Variants in AGBL4 observed in about 807,000 individuals in gnomAD.
AGBL4 encodes the protein AGBL carboxypeptidase 4, also known as cytosolic carboxypeptidase 6.
In AGBL4, 58 loss-of-function variants were observed where a neutral mutation model predicts 66.4. That is an observed-to-expected ratio of 0.87 (90% CI 0.71 to 1.09). The LOEUF is 1.09. Among genes scored for constraint, AGBL4 ranks in the 50% least tolerant of loss-of-function variants. AGBL4 has a pLI of 0.00. For missense variants in AGBL4, 579 were observed against 631.0 expected (o/e 0.92, Z 0.88); for synonymous variants, 234 against 222.9 (o/e 1.05, Z -0.44).
intron 6 of AGBL4, among the ~76,000 whole-genome samples, chr1:48,810,961 A>C (rs1646035319): frequency 6.6e-6 from 1 of 152,168 alleles, no homozygotes; most frequent in African/African-American, 2.4e-5. Context: ...CAGTGTCTAC[A>C]TATGGAGTGG....
intron 12 of AGBL4, among the ~76,000 whole-genome samples, chr1:48,536,914 G>A (rs561724181): frequency 1.3e-5 from 2 of 152,296 alleles, no homozygotes; most frequent in Admixed American, 6.5e-5. Context: ...TGCCCACATT[G>A]CTGCCCCTCC....
chr1:49,892,432 A>G (rs938040726), intron 1 of AGBL4, among the ~76,000 whole-genome samples: 2 of 152,228 alleles, frequency 1.3e-5, no homozygotes, highest in African/African-American at 4.8e-5. Context: ...CCTTCTACTT[A>G]GTGTGCTAAA....
At chr1:48,527,110 G>T in the AGBL4 span, among the ~76,000 whole-genome samples, 1 of 152,148 alleles carries the variant, frequency 6.6e-6, no homozygotes, top group East Asian at 1.9e-4. Flanking sequence ...AGTTATCAGG[G>T]TGAGGTCAGG....
intron 3 of AGBL4, among the ~76,000 whole-genome samples, chr1:49,370,072 C>T (rs1373538452): frequency 6.8e-6 from 1 of 147,764 alleles, no homozygotes; most frequent in East Asian, 2.0e-4. Context: ...CACACACACA[C>T]ACATATATAA....
intron 3 of AGBL4, among the ~76,000 whole-genome samples, chr1:49,657,258 T>C (rs1646160628): frequency 6.6e-6 from 1 of 152,170 alleles, no homozygotes; most frequent in African/African-American, 2.4e-5. Flanking sequence ...CCATTCACAA[T>C]TGCTTCAGAG....
chr1:49,437,066 C>A (rs1436903817), intron 3 of AGBL4, among the ~76,000 whole-genome samples: 2 of 152,098 alleles, frequency 1.3e-5, no homozygotes, highest in African/African-American at 2.4e-5. Flanking sequence ...TGGTGGGGAG[C>A]ATCATGGGCC....
intron 1 of AGBL4, among the ~76,000 whole-genome samples, chr1:49,954,902 T>A (rs933227155): frequency 1.3e-5 from 2 of 151,974 alleles, no homozygotes; most frequent in African/African-American, 2.4e-5. Context: ...TACCTCTGCA[T>A]CTCTTTCAGA....
chr1:48,738,407 T>TA (rs1649404251), intron 6 of AGBL4, among the ~76,000 whole-genome samples: 1 of 152,220 alleles, frequency 6.6e-6, no homozygotes, highest in Admixed American at 6.5e-5. Context: ...TGAGATGTAC[T>TA]ACCTGGCTGC....
chr1:49,691,601 G>A (rs1316977759), intron 3 of AGBL4: 1 of 152,176 alleles, frequency 6.6e-6, no homozygotes, highest in Non-Finnish European at 1.5e-5. Context: ...TATGGTAGTT[G>A]TGATGGTTAA....
intron 1 of AGBL4, among the ~76,000 whole-genome samples, chr1:49,976,729 T>A (rs1571995826): frequency 6.6e-6 from 1 of 152,246 alleles, no homozygotes; most frequent in Non-Finnish European, 1.5e-5. Flanking sequence ...AAAATTCCTA[T>A]GCTACTTTGT....
At chr1:49,624,828 C>T (rs952778888) in intron 3 of AGBL4, among the ~76,000 whole-genome samples, 4 of 152,146 alleles carry the variant, frequency 2.6e-5, no homozygotes, top group African/African-American at 4.8e-5. Flanking sequence ...AAAATAATTC[C>T]TTATATTTTT....
chr1:49,779,986 T>C (rs1251000915), intron 2 of AGBL4, among the ~76,000 whole-genome samples: 2 of 152,150 alleles, frequency 1.3e-5, no homozygotes, highest in African/African-American at 4.8e-5. Context: ...TGATTGATAA[T>C]TGACTTATCA....
At chr1:48,984,545 T>C (rs1327421289) in intron 5 of AGBL4, among the ~76,000 whole-genome samples, 1 of 148,168 alleles carries the variant, frequency 6.7e-6, no homozygotes, top group Non-Finnish European at 1.5e-5. Context: ...GTTTTCAATA[T>C]GCACTGTGAG....
intron 3 of AGBL4, among the ~76,000 whole-genome samples, chr1:49,303,796 G>T (rs976490807): frequency 3.3e-5 from 5 of 152,054 alleles, no homozygotes; most frequent in African/African-American, 1.2e-4. Context: ...CTTTTGAGAA[G>T]TGTCTGTTCA....
At chr1:48,742,819 A>G in intron 6 of AGBL4, 1 of 1,442,712 alleles carries the variant, frequency 6.9e-7, no homozygotes, top group South Asian at 1.5e-5. Flanking sequence ...AGGAAAATAA[A>G]AGGCAAATAT....
At chr1:49,280,276 C>T (rs556973847) in intron 3 of AGBL4, among the ~76,000 whole-genome samples, 1 of 152,260 alleles carries the variant, frequency 6.6e-6, no homozygotes, top group South Asian at 2.1e-4. Context: ...CCCCCATGTT[C>T]TCTGAGAGAT....
intron 4 of AGBL4, among the ~76,000 whole-genome samples, chr1:49,134,200 G>A (rs1313481464): frequency 6.6e-6 from 1 of 151,762 alleles, no homozygotes; most frequent in Admixed American, 6.6e-5. Flanking sequence ...CATTTCAAGG[G>A]CAACAAAAGA....
At chr1:49,131,531 C>A (rs1449003437) in intron 4 of AGBL4, among the ~76,000 whole-genome samples, 1 of 152,042 alleles carries the variant, frequency 6.6e-6, no homozygotes, top group Non-Finnish European at 1.5e-5. Flanking sequence ...AACATAGAAG[C>A]AGCTAACCCA....
rs138054929 is a variant in AGBL4 at position 48,610,973 on chromosome 1, G to T, written c.952-19988C>A. ...ACAGAAGGGCAGGGGCTGGCAGCTG[G>T]GTCCTGAGCCAGTAATATTTATTCT... On this transcript the variant is annotated intron_variant, in intron 9 of 13. Coordinates refer to ENST00000371839, the MANE Select transcript of AGBL4 (RefSeq NM_032785.4). Among the ~76,000 whole-genome samples, 1,049 of 152,282 alleles carry T rather than the reference G, an allele frequency of 6.9e-3. 8 individuals are homozygous for T. Among genetic ancestry groups the T allele is most frequent in the African/African-American group, 0.023 (961 of 41,534 alleles).
Sources: gnomAD v4.1 joint callset for allele counts (sites outside exome capture counted in the v4.1 genomes callset) on GRCh38, gnomAD v4.1.1 for gene constraint, MANE v1.5 for transcripts, NCBI Gene and HGNC (gene_info 2026-07-23, HGNC 2026-07-21) for gene names.